CDHR5: variants seen among roughly 807,000 people sequenced by gnomAD.
CDHR5 encodes the protein cadherin related family member 5.
In CDHR5, 82 loss-of-function variants were observed where a neutral mutation model predicts 69.5. The ratio of observed to expected loss-of-function variants is 1.18; its 90% CI spans 0.99 to 1.42. CDHR5 has a LOEUF of 1.42. CDHR5 is among the 40% of genes most tolerant of loss of function. CDHR5 has a pLI of 0.00. For missense variants in CDHR5, 1,293 were observed against 1,168.9 expected, an observed-to-expected ratio of 1.11 and a Z score of -1.55; for synonymous variants, 601 against 510.2, an observed-to-expected ratio of 1.18 and a Z score of -2.40.
In CDHR5 at chr11:621,812, C is replaced by T. The variant is rs764127040; in HGVS notation, c.405G>A (p.Glu135=). 3.1e-6 allele frequency: 5 copies of T among 1,612,726 alleles called. No homozygotes were observed. The highest frequency in any genetic ancestry group is 4.2e-6 in the Non-Finnish European group (5 of 1,179,086). ...PFKTKEIRVE[E]DTKVNSTVIP... is the part of the protein sequence containing the mutation. ...GTCCCCGCGGCTTCGCTGGCCTCAC[C>T]TCCTCCACCCTTATCTCCTTGGTCT... The change falls in exon 4 of 15, where the codon GAG becomes GAA. Residue 135 remains glutamate, a splice_region_variant and synonymous_variant. Transcript: ENST00000397542. This position sits in a 1 kb window ranked among gnomAD's most constrained non-coding sequence, Gnocchi z 4.4.
At chr11:623,716 C>T (rs116084005) in intron 3 of CDHR5, among the ~76,000 whole-genome samples, 2,402 of 151,948 alleles carry the variant, frequency 0.016, 62 homozygotes, top group African/African-American at 0.054. Flanking sequence ...TGTTCTGCCA[C>T]GTGGAGTGGA....
chr11:619,563 G>C lies in CDHR5; in HGVS notation c.1204C>G (p.Arg402Gly), dbSNP rs779980427. Reference sequence around the variant, plus strand: ...CGGAAGTGTGAGTGGTTGGTAATTCGATATGTGATGGCCGAGTTGAGGTCC... The same window carrying C: ...CGGAAGTGTGAGTGGTTGGTAATTCCATATGTGATGGCCGAGTTGAGGTCC... ...FSDLNSAITY[R>G]ITNHSHFRME... The change falls in exon 11 of 15, where the codon CGA becomes GGA. Residue 402 changes from arginine to glycine, a missense_variant. Transcript: ENST00000397542. 2 of 1,613,734 alleles carry C rather than the reference G, an allele frequency of 1.2e-6. No homozygotes were observed. The highest frequency in any genetic ancestry group is 1.7e-6 in the Non-Finnish European group (2 of 1,179,810).
At position 619,727 on chromosome 11, in the gene CDHR5, G is replaced by A; in HGVS notation, c.1133C>T (p.Ala378Val). The A allele has an allele frequency of 6.2e-7, 1 of 1,612,894 alleles. No individual in the cohort carries two copies. Among genetic ancestry groups the A allele is most frequent in the South Asian group, 1.1e-5 (1 of 91,078 alleles). The change falls in exon 10 of 15, where the codon GCC becomes GTC. Residue 378 changes from alanine (A) to valine (V), a missense_variant. Coordinates refer to ENST00000397542, the MANE Select transcript of CDHR5 (RefSeq NM_021924.5). ...CTGGATCCTCAGAGGCTGAGAAGGG[G>A]CAGCTGCATCCTTGACCACAACGCC... ...GAGVVVKDAAAPSQPLRIQAQ... is the reference protein window; with the variant it reads ...GAGVVVKDAAVPSQPLRIQAQ...
chr11:617,492 C>CG lies in CDHR5; in HGVS notation c.2396dup (p.Glu800GlyfsTer19). The CG allele has an allele frequency of 6.2e-7, 1 of 1,612,748 alleles. No individual in the cohort carries two copies. The highest frequency in any genetic ancestry group is 8.5e-7 in the Non-Finnish European group (1 of 1,179,858). On this transcript the variant is annotated frameshift_variant, in exon 15 of 15. Transcript: ENST00000397542. LOFTEE classifies it low-confidence loss of function (END_TRUNC). ...CGTTGAGAACGACCACGTCTGCCTC[C>CG]GTCCCGATGTCCTCGCCAAACCAGA...
At chr11:622,962 T>C in intron 3 of CDHR5, among the ~76,000 whole-genome samples, 1 of 152,160 alleles carries the variant, frequency 6.6e-6, no homozygotes. Flanking sequence ...TTTCTGTTCA[T>C]CTGTACCTTT....
In CDHR5 at chr11:624,804, C is replaced by T. The variant is rs1169382630; in HGVS notation, c.85+14G>A. The stretch of plus-strand genomic sequence containing the variant: ...CCCGCCGCCCGTGCCCCACCTACCC[C>T]TGCCCGCACATACACTGGGCCTGGG... On this transcript the variant is annotated intron_variant, in intron 1 of 14. Transcript: ENST00000397542. This position sits in a 1 kb window ranked among gnomAD's most constrained non-coding sequence, Gnocchi z 5.3. The T allele has an allele frequency of 6.2e-7, 1 of 1,609,436 alleles. No homozygotes were observed. The highest frequency in any genetic ancestry group is 8.5e-7 in the Non-Finnish European group (1 of 1,177,786).
chr11:624,629 T>C lies in CDHR5; in HGVS notation c.189A>G (p.Gly63=), dbSNP rs1857615151. ...HVPEGQEVTL[G]ALSTPFAFRI... ...GAAATGCAAAGGGGGTGGACAAGGC[T>C]CCGAGGGTCACCTCCTGGCCCTCCG... is the stretch of plus-strand genomic sequence containing the variant. Residue 63 remains glycine, a synonymous_variant, in exon 2 of 15, where the codon GGA becomes GGG. Transcript: ENST00000397542. This position sits in a 1 kb window ranked among gnomAD's most constrained non-coding sequence, Gnocchi z 5.3. 1 of 1,613,210 alleles carries C rather than the reference T, an allele frequency of 6.2e-7. No individual in the cohort carries two copies. Among genetic ancestry groups the C allele is most frequent in the Non-Finnish European group, 8.5e-7 (1 of 1,179,332 alleles).
At position 620,307 on chromosome 11, in the gene CDHR5, CT is replaced by C. The variant is rs752992444; in HGVS notation, c.868del (p.Ser290AlafsTer7). Reference protein sequence around the residue: ...DRGINQPIIYSIFRGNVNGTF... With the variant: ...DRGINQPIIYXIFRGNVNGTF... ...TGGGCCCCACTCACCCCTAAAGATG[CT>C]GTAGATGATGGGCTGGTTGATGCCG... On this transcript the variant is annotated frameshift_variant, in exon 8 of 15. Coordinates refer to ENST00000397542, the MANE Select transcript of CDHR5 (RefSeq NM_021924.5). LOFTEE classifies it high-confidence loss of function. The C allele has an allele frequency of 6.2e-7, 1 of 1,611,964 alleles. No individual in the cohort carries two copies. The highest frequency in any genetic ancestry group is 2.2e-5 in the East Asian group (1 of 44,870).
At position 624,931 on chromosome 11, in the gene CDHR5, C is replaced by T; in HGVS notation, c.-29G>A. On this transcript the variant is annotated 5_prime_UTR_variant, in exon 1 of 15. Transcript: ENST00000397542. The surrounding 1 kb of genome is among the most constrained non-coding windows in gnomAD (Gnocchi z 5.3). ...GGCGGCTGTCACCTGGCAGGAGGGTCTGAGCGGGTCTGGCGTCTAGGACTG... is the reference window on the plus strand; with the variant it reads ...GGCGGCTGTCACCTGGCAGGAGGGTTTGAGCGGGTCTGGCGTCTAGGACTG... 1 of 1,519,032 alleles carries T rather than the reference C, an allele frequency of 6.6e-7. No individual in the cohort carries two copies. The highest frequency in any genetic ancestry group is 1.2e-5 in the South Asian group (1 of 83,836). The allele number at this position is 1,519,032 out of a possible 1,614,324, so 94.1% of individuals were successfully genotyped here.
chr11:623,437 G>A (rs1400191043), intron 3 of CDHR5, among the ~76,000 whole-genome samples: 1 of 152,138 alleles, frequency 6.6e-6, no homozygotes, highest in Non-Finnish European at 1.5e-5. Flanking sequence ...TCAGGATTCT[G>A]CAATTTTCCT....
In CDHR5 at chr11:619,550, T is replaced by C; in HGVS notation, c.1217A>G (p.His406Arg). 6.2e-7 allele frequency: 1 copy of C among 1,613,246 alleles called. No individual in the cohort carries two copies. The highest frequency in any genetic ancestry group is 1.1e-5 in the South Asian group (1 of 91,008). Residue 406 changes from histidine (H) to arginine (R), a missense_variant, in exon 11 of 15, where the codon CAC becomes CGC. His to Arg is a conservative substitution (Grantham distance 29). Transcript: ENST00000397542. ...CTCTCCCTCCATCCGGAAGTGTGAGTGGTTGGTAATTCGATATGTGATGGC... is the reference window on the plus strand; with the variant it reads ...CTCTCCCTCCATCCGGAAGTGTGAGCGGTTGGTAATTCGATATGTGATGGC... ...NSAITYRITN[H>R]SHFRMEGEVV... is the part of the protein sequence containing the mutation.
chr11:618,178 A>G (rs1397879908), intron 13 of CDHR5, 67 bp from the exon 14 acceptor site: 3 of 1,349,564 alleles, frequency 2.2e-6, no homozygotes, highest in Non-Finnish European at 2.1e-6. Context: ...TCCCATGCCA[A>G]CCTGTGCCAG....
rs948729072 is a variant in CDHR5, at chr11:620,402, A to G, written c.790-16T>C. On this transcript the variant is annotated splice_polypyrimidine_tract_variant and intron_variant, in intron 7 of 14. Coordinates refer to ENST00000397542, the MANE Select transcript of CDHR5 (RefSeq NM_021924.5). Reference sequence around the variant, plus strand: ...GGGGAGATGGCTTCAGGGATGGCGGAAGGGAGGGCACGTCGTGGGGCTGGG... The same window carrying G: ...GGGGAGATGGCTTCAGGGATGGCGGGAGGGAGGGCACGTCGTGGGGCTGGG... The G allele has an allele frequency of 8.9e-6, 14 of 1,569,512 alleles. No homozygotes were observed. Among genetic ancestry groups the G allele is most frequent in the South Asian group, 1.1e-5 (1 of 87,422 alleles).
At position 624,225 on chromosome 11, in the gene CDHR5, G is replaced by A. The variant is rs114057528; in HGVS notation, c.300C>T (p.Ser100=). 1.3e-5 allele frequency: 10 copies of A among 768,176 alleles called. No homozygotes were observed. The highest frequency in any genetic ancestry group is 5.1e-5 in the African/African-American group (3 of 59,094). 47.6% of individuals were successfully genotyped at this position (768,176 alleles called of 1,614,324 possible). The change falls in exon 3 of 15, where the codon AGC becomes AGT. Residue 100 remains serine, a synonymous_variant. Coordinates refer to ENST00000397542, the MANE Select transcript of CDHR5 (RefSeq NM_021924.5). This position sits in a 1 kb window ranked among gnomAD's most constrained non-coding sequence, Gnocchi z 5.3. ...GGCGGGGACTCACCAATGTGCCTCC[G>A]CTCTGACACAGCAGCTGAGCCTCAA... ...SLLEAQLLCQ[S]GGTLVTQLRV... is the part of the protein sequence containing the mutation.
rs749956459 is a variant in CDHR5 at position 621,396 on chromosome 11, C to T, written c.567G>A (p.Arg189=). 1.3e-5 allele frequency: 21 copies of T among 1,612,852 alleles called. No individual in the cohort carries two copies. In the African/African-American group the frequency reaches 2.3e-4, roughly 17 times the overall value. Residue 189 remains arginine (R), a synonymous_variant, in exon 6 of 15, where the codon CGG becomes CGA. Transcript: ENST00000397542. This position sits in a 1 kb window ranked among gnomAD's most constrained non-coding sequence, Gnocchi z 4.4. Reference sequence around the variant, plus strand: ...TCGGCCGCTCGTAGAAGTCCAGGGGCCGGTCCAGCCTCAGGGCGGGACGGT... The same window carrying T: ...TCGGCCGCTCGTAGAAGTCCAGGGGTCGGTCCAGCCTCAGGGCGGGACGGT... ...SVNRPALRLD[R]PLDFYERPNM...
rs755170719 is a variant in CDHR5 at position 621,580 on chromosome 11, G to A, written c.489C>T (p.Thr163=). 3.2e-5 allele frequency: 51 copies of A among 1,613,224 alleles called. No homozygotes were observed. The highest frequency in any genetic ancestry group is 6.7e-5 in the East Asian group (3 of 44,884). Residue 163 remains threonine, a synonymous_variant, in exon 5 of 15, where the codon ACC becomes ACT. Transcript: ENST00000397542. This position sits in a 1 kb window ranked among gnomAD's most constrained non-coding sequence, Gnocchi z 4.4. ...DRDKDDILFY[T]LQEMTAGASD... is the part of the protein sequence containing the mutation. ...CACTGACTGCTGTCATTTCCTGGAG[G>A]GTGTAGAACAGAATGTCGTCCTTGT...
chr11:617,980 G>A lies in CDHR5; in HGVS notation c.2092C>T (p.Leu698Phe). 2.5e-6 allele frequency: 4 copies of A among 1,612,052 alleles called. No homozygotes were observed. The highest frequency in any genetic ancestry group is 3.4e-6 in the Non-Finnish European group (4 of 1,179,724). ...GGAGCTTTGCCACAGCAGCACTTGA[G>A]CCGGGGGCCATAGTGCTTGTGGACA... ...VLVHKHYGPR[L>F]KCCCGKAPEP... The change falls in exon 14 of 15, where the codon CTC becomes TTC. Residue 698 changes from leucine (L) to phenylalanine (F), a missense_variant. Leu to Phe is a conservative substitution (Grantham distance 22). Transcript: ENST00000397542.
Position 624,535 on chromosome 11 carries a change from C to T in CDHR5, c.261+22G>A. 1 of 1,605,720 alleles carries T rather than the reference C, an allele frequency of 6.2e-7. No homozygotes were observed. The highest frequency in any genetic ancestry group is 8.5e-7 in the Non-Finnish European group (1 of 1,174,490). On this transcript the variant is annotated intron_variant, in intron 2 of 14. Transcript: ENST00000397542. This position sits in a 1 kb window ranked among gnomAD's most constrained non-coding sequence, Gnocchi z 5.3. ...TGCCCTTCTCCCGGGACCCCCATAT[C>T]CCGCCCGCCTGCCGCCCACACCTCG...
Position 617,496 on chromosome 11 carries a change from C to T in CDHR5, c.2393G>A (p.Gly798Glu). 3.1e-6 allele frequency: 5 copies of T among 1,612,732 alleles called. No individual in the cohort carries two copies. The highest frequency in any genetic ancestry group is 1.6e-4 in the Middle Eastern group (1 of 6,062). The part of the protein sequence containing the change: ...YKAVWFGEDI[G>E]TEADVVVLNA... ...GAGAACGACCACGTCTGCCTCCGTC[C>T]CGATGTCCTCGCCAAACCAGACAGC... The change falls in exon 15 of 15, where the codon GGG becomes GAG. Residue 798 changes from glycine (G) to glutamate (E), a missense_variant. By Grantham distance (98) the Gly-to-Glu change is moderately conservative. Transcript: ENST00000397542.
Sources: gnomAD v4.1 joint callset for allele counts (sites outside exome capture counted in the v4.1 genomes callset) on GRCh38, gnomAD v4.1.1 for gene constraint, Gnocchi (gnomAD v3.1) non-coding constraint, MANE v1.5 for transcripts, NCBI Gene and HGNC (gene_info 2026-07-23, HGNC 2026-07-21) for gene names.